Variants in ADGRG5 observed in about 807,000 individuals in gnomAD.
ADGRG5 encodes G protein-coupled receptor 114.
In ADGRG5, 37 loss-of-function variants were observed where a neutral mutation model predicts 53.2. The ratio of observed to expected loss-of-function variants is 0.70; its 90% CI spans 0.53 to 0.91. The LOEUF (loss-of-function observed/expected upper bound fraction) is 0.91. Among genes scored for constraint, ADGRG5 ranks in the 40% least tolerant of loss-of-function variants. ADGRG5 has a pLI of 0.00. For synonymous variants in ADGRG5, 277 were observed against 290.4 expected (o/e 0.95, Z 0.47); for missense variants, 614 against 675.8 (o/e 0.91, Z 1.01).
intron 4 of ADGRG5, 126 bp from the exon 5 acceptor site, chr16:57,563,721 TG>T: frequency 1.2e-5 from 15 of 1,216,124 alleles, no homozygotes; most frequent in Non-Finnish European, 1.8e-5. Flanking sequence ...AGATGCAGCC[TG>T]GGGGGAGAAG....
intron 1 of ADGRG5, among the ~76,000 whole-genome samples, chr16:57,554,640 T>C (rs1399652256): frequency 7.9e-5 from 12 of 152,210 alleles, no homozygotes; most frequent in African/African-American, 2.9e-4. Context: ...CCTCCCAAAG[T>C]GCTGGGATTA....
At chr16:57,568,722 C>CGTT (rs2033226082) in intron 9 of ADGRG5, among the ~76,000 whole-genome samples, 1 of 151,276 alleles carries the variant, frequency 6.6e-6, no homozygotes, top group Non-Finnish European at 1.5e-5. Context: ...CCTCAACCTC[C>CGTT]ATCATCACCT....
chr16:57,533,735 C>T, the ADGRG5 span, among the ~76,000 whole-genome samples: 9 of 152,080 alleles, frequency 5.9e-5, no homozygotes, highest in African/African-American at 1.7e-4. Flanking sequence ...CAGACTCACA[C>T]GCAGCCCCAG....
chr16:57,531,809 C>T, the ADGRG5 span, among the ~76,000 whole-genome samples: 9 of 152,208 alleles, frequency 5.9e-5, no homozygotes, highest in Non-Finnish European at 1.3e-4. Context: ...CCTGTTCTGG[C>T]TTCTCCTGGC....
intron 1 of ADGRG5, among the ~76,000 whole-genome samples, chr16:57,558,953 C>G: frequency 6.6e-6 from 1 of 151,730 alleles, no homozygotes; most frequent in Non-Finnish European, 1.5e-5. Context: ...TCAGGTGATC[C>G]TCACACCTCA....
chr16:57,549,655 T>C (rs1273833052), intron 1 of ADGRG5, among the ~76,000 whole-genome samples: 3 of 152,218 alleles, frequency 2.0e-5, no homozygotes, highest in Admixed American at 6.5e-5. Flanking sequence ...ACATGTATAT[T>C]ACAATCAAAA....
chr16:57,575,127 GGCAGGGGGTGTAT>G, intron 11 of ADGRG5, 35 bp downstream of exon 11: 9 of 1,587,510 alleles, frequency 5.7e-6, no homozygotes, highest in Non-Finnish European at 7.7e-6. Context: ...GAAGCTACCT[GGCAGGGGGTGTAT>G]GGCTGGTGGG....
At position 57,567,528 on chromosome 16, in the gene ADGRG5, T is replaced by C; in HGVS notation, c.758T>C (p.Leu253Pro). The C allele has an allele frequency of 6.2e-7, 1 of 1,611,852 alleles. No individual in the cohort carries two copies. The change falls in exon 8 of 12, where the codon CTC becomes CCC. Residue 253 changes from leucine to proline, a missense_variant. By Grantham distance (98) the Leu-to-Pro change is moderately conservative. Transcript: ENST00000349457. ...CTGGCACCTCTTACGTACATCTCCC[T>C]CGTGGGCTGCAGCATCTCCATCGTG... is the stretch of plus-strand genomic sequence containing the variant. ...ELLAPLTYISLVGCSISIVAS... is the reference protein window; with the variant it reads ...ELLAPLTYISPVGCSISIVAS...
chr16:57,547,531 G>A (rs1307885907), intron 1 of ADGRG5, among the ~76,000 whole-genome samples: 2 of 152,090 alleles, frequency 1.3e-5, no homozygotes, highest in African/African-American at 4.8e-5. Context: ...TGCAACCTCC[G>A]CCTACTGGGT....
At chr16:57,565,276 C>T in intron 6 of ADGRG5, 126 bp downstream of exon 6, 1 of 664,072 alleles carries the variant, frequency 1.5e-6, no homozygotes, top group Non-Finnish European at 2.7e-6. Flanking sequence ...TTTGAAAATT[C>T]CTGCTCAAGA....
chr16:57,544,324 G>A (rs570418934), intron 1 of ADGRG5, among the ~76,000 whole-genome samples: 1 of 152,304 alleles, frequency 6.6e-6, no homozygotes, highest in Admixed American at 6.5e-5. Context: ...GAATTGCAGG[G>A]TGGAGAATGA....
the ADGRG5 span, among the ~76,000 whole-genome samples, chr16:57,536,794 C>T: frequency 1.3e-5 from 2 of 152,256 alleles, no homozygotes; most frequent in East Asian, 1.9e-4. Flanking sequence ...CGTACCCCAA[C>T]GGAGGCCCCA....
chr16:57,550,884 C>T (rs531928820), intron 1 of ADGRG5, among the ~76,000 whole-genome samples: 128 of 152,016 alleles, frequency 8.4e-4, no homozygotes, highest in Admixed American at 1.6e-3. Context: ...AAAAATTAGC[C>T]GAGCATGGTG....
At chr16:57,537,692 C>T (rs2146733409), upstream of ADGRG5, among the ~76,000 whole-genome samples, 1 of 152,282 alleles carries the variant, frequency 6.6e-6, no homozygotes, top group Admixed American at 6.5e-5. Context: ...CCCTTGCAGA[C>T]GTTCCCTTTC....
intron 1 of ADGRG5, among the ~76,000 whole-genome samples, chr16:57,559,440 T>C (rs934427170): frequency 1.3e-5 from 2 of 152,218 alleles, no homozygotes; most frequent in African/African-American, 4.8e-5. Context: ...TCTCAGGCCC[T>C]GTCCCACTCC....
chr16:57,552,030 T>A (rs72791649), intron 1 of ADGRG5, among the ~76,000 whole-genome samples: 41 of 71,412 alleles, frequency 5.7e-4, no homozygotes, highest in South Asian at 4.3e-3. Context: ...AAATAAATCT[T>A]TTTTTTTTTT....
chr16:57,575,000 T>C lies in ADGRG5; in HGVS notation c.1394T>C (p.Leu465Pro). Reference sequence around the variant, plus strand: ...GTCACTGTGCTGGGCCTCACCGTGCTGCTGGGAACCACCTGGGCCTTGGCC... The same window carrying C: ...GTCACTGTGCTGGGCCTCACCGTGCCGCTGGGAACCACCTGGGCCTTGGCC... ...DTVTVLGLTV[L>P]LGTTWALAFF... Residue 465 changes from leucine (L) to proline (P), a missense_variant, in exon 11 of 12, where the codon CTG (leucine) becomes CCG (proline). Physicochemically the swap from Leu to Pro is moderately conservative, Grantham distance 98 (BLOSUM62 -3). Transcript: ENST00000349457. This position sits in a 1 kb window ranked among gnomAD's most constrained non-coding sequence, Gnocchi z 4.4. 1 of 1,614,076 alleles carries C rather than the reference T, an allele frequency of 6.2e-7. No individual in the cohort carries two copies. The highest frequency in any genetic ancestry group is 8.5e-7 in the Non-Finnish European group (1 of 1,180,018).
At chr16:57,559,895 A>C (rs1481493075) in intron 1 of ADGRG5, among the ~76,000 whole-genome samples, 1 of 152,200 alleles carries the variant, frequency 6.6e-6, no homozygotes. Flanking sequence ...CAATGTTTCT[A>C]TTATGACTAT....
upstream of ADGRG5, among the ~76,000 whole-genome samples, chr16:57,541,746 G>C (rs184873088): frequency 2.0e-5 from 3 of 152,294 alleles, no homozygotes; most frequent in South Asian, 2.1e-4. Flanking sequence ...CCAGGCAAGA[G>C]AGAGCACCGT....
Sources: gnomAD v4.1 joint callset for allele counts (sites outside exome capture counted in the v4.1 genomes callset) on GRCh38, gnomAD v4.1.1 for gene constraint, Gnocchi (gnomAD v3.1) non-coding constraint, MANE v1.5 for transcripts, NCBI Gene and HGNC (gene_info 2026-07-23, HGNC 2026-07-21) for gene names.